TENM2: variants seen among roughly 807,000 people sequenced by gnomAD.
The protein encoded by TENM2 is teneurin transmembrane protein 2.
A neutral mutation model predicts 245.2 loss-of-function variants in TENM2; 52 were observed. That is an observed-to-expected ratio of 0.21 (90% CI 0.17 to 0.27). The LOEUF (loss-of-function observed/expected upper bound fraction) is 0.27, where lower values mean the gene tolerates loss of function less well. Ranked by LOEUF, TENM2 falls within the 10% of genes least tolerant of loss-of-function variation. TENM2 has a pLI of 1.00. For missense variants in TENM2, 3,046 were observed against 3,666.8 expected (o/e 0.83, Z 4.37); for synonymous variants, 1,363 against 1,438.9 (o/e 0.95, Z 1.19).
chr5:168,263,494 A>G (rs1343001726), downstream of TENM2: 1 of 152,650 alleles, frequency 6.6e-6, no homozygotes. Context: ...AGAAAAAAAA[A>G]CATGAGGGAA....
chr5:167,172,438 C>G, the TENM2 span, among the ~76,000 whole-genome samples: 13 of 152,180 alleles, frequency 8.5e-5, no homozygotes, highest in Admixed American at 3.9e-4. Flanking sequence ...GTCGTTTTGC[C>G]TAAGACCACT....
chr5:167,761,830 A>C (rs1762692110), intron 2 of TENM2, among the ~76,000 whole-genome samples: 1 of 152,164 alleles, frequency 6.6e-6, no homozygotes, highest in Admixed American at 6.6e-5. Context: ...CCTTCCATAG[A>C]CACATTCAGC....
chr5:168,213,650 C>T (rs1462087617), intron 20 of TENM2, among the ~76,000 whole-genome samples: 2 of 151,442 alleles, frequency 1.3e-5, no homozygotes, highest in Non-Finnish European at 2.9e-5. Context: ...CATAGTGAGA[C>T]CCCATCTCTA....
chr5:168,149,967 C>T (rs943274309), intron 12 of TENM2, among the ~76,000 whole-genome samples: 1 of 152,104 alleles, frequency 6.6e-6, no homozygotes, highest in African/African-American at 2.4e-5. Context: ...AGGTTTTTTG[C>T]TCAAACAACT....
At chr5:167,962,748 T>C (rs759834603) in intron 4 of TENM2, among the ~76,000 whole-genome samples, 1 of 152,002 alleles carries the variant, frequency 6.6e-6, no homozygotes, top group African/African-American at 2.4e-5. Context: ...TATAAAACCA[T>C]CAGATCTCAT....
At chr5:167,432,228 T>C (rs1764297652) in intron 2 of TENM2, among the ~76,000 whole-genome samples, 1 of 151,686 alleles carries the variant, frequency 6.6e-6, no homozygotes, top group Non-Finnish European at 1.5e-5. Flanking sequence ...CGTGAACTCG[T>C]ATTTAAATCT....
chr5:167,228,570 A>G, the TENM2 span, among the ~76,000 whole-genome samples: 1 of 151,552 alleles, frequency 6.6e-6, no homozygotes, highest in Non-Finnish European at 1.5e-5. Flanking sequence ...TTGAGATTTC[A>G]TGACTTTCTT....
chr5:167,432,074 A>G (rs1440307963), intron 2 of TENM2, among the ~76,000 whole-genome samples: 2 of 150,788 alleles, frequency 1.3e-5, no homozygotes, highest in African/African-American at 4.9e-5. Context: ...ATGGAAGTTA[A>G]ATTCTAATGC....
chr5:167,107,428 A>C, the TENM2 span, among the ~76,000 whole-genome samples: 2 of 152,222 alleles, frequency 1.3e-5, no homozygotes, highest in African/African-American at 4.8e-5. Context: ...TGTGTTGTAA[A>C]TATGGATCCT....
chr5:167,444,134 G>A (rs879487351), intron 2 of TENM2, among the ~76,000 whole-genome samples: 7 of 151,914 alleles, frequency 4.6e-5, no homozygotes, highest in Non-Finnish European at 8.8e-5. Context: ...AAAATACTAC[G>A]AGCCTCATAT....
At chr5:167,869,679 C>A (rs1276424265) in intron 2 of TENM2, among the ~76,000 whole-genome samples, 6 of 152,198 alleles carry the variant, frequency 3.9e-5, no homozygotes, top group African/African-American at 1.4e-4. Flanking sequence ...CTGCCATGAC[C>A]CAGTGCTCCC....
At chr5:167,415,172 T>C (rs1763101290) in intron 2 of TENM2, among the ~76,000 whole-genome samples, 1 of 152,144 alleles carries the variant, frequency 6.6e-6, no homozygotes, top group African/African-American at 2.4e-5. Context: ...CAGGAAGATT[T>C]CTGTCTATCA....
the TENM2 span, among the ~76,000 whole-genome samples, chr5:167,187,504 A>G: frequency 4.6e-5 from 7 of 152,148 alleles, no homozygotes; most frequent in South Asian, 6.2e-4. Context: ...CTCTTCTCCA[A>G]TGTGACCAAA....
chr5:167,437,203 A>G (rs1435475969), intron 2 of TENM2, among the ~76,000 whole-genome samples: 1 of 152,188 alleles, frequency 6.6e-6, no homozygotes, highest in Non-Finnish European at 1.5e-5. Flanking sequence ...GGAGCTGCCC[A>G]AGACCATGGG....
At chr5:167,314,366 A>G (rs927209628) in intron 1 of TENM2, among the ~76,000 whole-genome samples, 8 of 152,178 alleles carry the variant, frequency 5.3e-5, no homozygotes, top group Admixed American at 5.2e-4. Flanking sequence ...ATATATCACA[A>G]CTGCAATGCT....
At chr5:167,052,449 T>C in the TENM2 span, among the ~76,000 whole-genome samples, 1 of 152,196 alleles carries the variant, frequency 6.6e-6, no homozygotes, top group Non-Finnish European at 1.5e-5. Flanking sequence ...AGCTGGAATT[T>C]AACATTGTTC....
At chr5:167,434,185 G>A (rs1764405153) in intron 2 of TENM2, among the ~76,000 whole-genome samples, 1 of 151,938 alleles carries the variant, frequency 6.6e-6, no homozygotes, top group Admixed American at 6.6e-5. Flanking sequence ...ACTTTGGGAG[G>A]CCGAGATGGG....
chr5:168,095,434 G>A (rs1300125758), intron 8 of TENM2, among the ~76,000 whole-genome samples: 1 of 152,184 alleles, frequency 6.6e-6, no homozygotes, highest in East Asian at 1.9e-4. Context: ...TTTGCTTGCT[G>A]GTTTCAGCTT....
At chr5:167,553,501 T>A (rs1180797616) in intron 2 of TENM2, among the ~76,000 whole-genome samples, 2 of 152,088 alleles carry the variant, frequency 1.3e-5, no homozygotes, top group Non-Finnish European at 2.9e-5. Flanking sequence ...CTGGGCTGGG[T>A]AATGAGACAA....
Sources: allele counts gnomAD v4.1 joint callset (sites outside exome capture counted in the v4.1 genomes callset), GRCh38; gene constraint gnomAD v4.1.1; transcripts MANE v1.5; gene names NCBI Gene and HGNC (gene_info 2026-07-23, HGNC 2026-07-21).